Variants in SOS1 observed in about 807,000 individuals in gnomAD.
SOS1 encodes SOS Ras/Rac guanine nucleotide exchange factor 1, also known as son of sevenless homolog 1.
In SOS1, 25 loss-of-function variants were observed where a neutral mutation model predicts 157.6. That is an observed-to-expected ratio of 0.16 (90% CI 0.12 to 0.22). SOS1 has a LOEUF of 0.22. SOS1 is among the 10% of genes least tolerant of loss of function. SOS1 has a pLI of 1.00. For missense variants in SOS1, 1,237 were observed against 1,599.1 expected, an observed-to-expected ratio of 0.77 and a Z score of 3.86; for synonymous variants, 528 against 534.0, an observed-to-expected ratio of 0.99 and a Z score of 0.16.
At chr2:39,019,977 A>G (rs1669746400) in intron 10 of SOS1, among the ~76,000 whole-genome samples, 2 of 151,642 alleles carry the variant, frequency 1.3e-5, no homozygotes, top group African/African-American at 2.4e-5. Context: ...AGATCCTTTT[A>G]CTTAATTATT....
intron 1 of SOS1, among the ~76,000 whole-genome samples, chr2:39,118,690 T>A (rs1243604420): frequency 6.6e-6 from 1 of 152,220 alleles, no homozygotes; most frequent in East Asian, 1.9e-4. Context: ...AGGCCCTAAA[T>A]GACAAGACCT....
chr2:39,020,443 TAATAA>T (rs1010300100), intron 10 of SOS1, among the ~76,000 whole-genome samples: 2 of 151,740 alleles, frequency 1.3e-5, no homozygotes, highest in Admixed American at 6.6e-5. Flanking sequence ...CAATTCTATA[TAATAA>T]AATAAAAATG....
intron 17 of SOS1, among the ~76,000 whole-genome samples, chr2:38,999,062 A>G (rs1432035676): frequency 2.0e-5 from 3 of 152,240 alleles, no homozygotes; most frequent in East Asian, 3.8e-4. Context: ...GAGGTATTCC[A>G]AACTCTGTCT....
At position 39,023,162 on chromosome 2, in the gene SOS1, C is replaced by T. The variant is rs1212129369; in HGVS notation, c.1266G>A (p.Met422Ile). The change falls in exon 10 of 23, where the codon ATG (methionine) becomes ATA (isoleucine). Residue 422 changes from methionine (M) to isoleucine (I), a missense_variant. Met to Ile is a conservative substitution (Grantham distance 10). Around this residue, in one of 15 missense-constraint regions of SOS1, gnomAD observed 210 missense variants for 220.2 expected, o/e 0.95. Transcript: ENST00000402219. The part of the protein sequence containing the change: ...MKGKQLAIKK[M>I]NEIQKNIDGW... ...CATCAATATTCTTCTGAATCTCGTT[C>T]ATCTTCTTGATTGCTAGTTGTTTCC... is the stretch of plus-strand genomic sequence containing the variant. 3 of 1,613,068 alleles carry T rather than the reference C, an allele frequency of 1.9e-6. No individual in the cohort carries two copies. The highest frequency in any genetic ancestry group is 2.5e-6 in the Non-Finnish European group (3 of 1,179,464).
chr2:39,115,390 C>T (rs1158129524), intron 1 of SOS1, among the ~76,000 whole-genome samples: 4 of 133,964 alleles, frequency 3.0e-5, no homozygotes, highest in Non-Finnish European at 1.6e-5. Flanking sequence ...TCATTTGTAT[C>T]AAATTTGTTC....
chr2:39,076,977 A>G (rs537654757), intron 1 of SOS1, among the ~76,000 whole-genome samples: 51 of 152,354 alleles, frequency 3.3e-4, no homozygotes, highest in Non-Finnish European at 6.2e-4. Flanking sequence ...AACAGAAAAT[A>G]TAATTTTTTA....
chr2:39,122,468 A>T (rs866735724), upstream of SOS1, among the ~76,000 whole-genome samples: 266 of 133,940 alleles, frequency 2.0e-3, no homozygotes, highest in South Asian at 9.0e-3. Context: ...ACACACACAC[A>T]CACACATACA....
At chr2:39,069,711 C>T (rs2148145354) in intron 1 of SOS1, among the ~76,000 whole-genome samples, 1 of 152,178 alleles carries the variant, frequency 6.6e-6, no homozygotes, top group Non-Finnish European at 1.5e-5. Context: ...CCACACCCGG[C>T]CAATTTCTGT....
intron 1 of SOS1, among the ~76,000 whole-genome samples, chr2:39,112,301 T>A (rs1322436317): frequency 5.3e-5 from 8 of 152,126 alleles, no homozygotes; most frequent in African/African-American, 1.9e-4. Context: ...GAGTTTATGG[T>A]CTCCACATTC....
chr2:39,020,894 G>T (rs924160262), intron 10 of SOS1, among the ~76,000 whole-genome samples: 1 of 55,490 alleles, frequency 1.8e-5, no homozygotes, highest in African/African-American at 3.2e-5. Flanking sequence ...AGACAGAAAA[G>T]AAAAATATCA....
chr2:39,066,996 G>A (rs951931143), intron 2 of SOS1, among the ~76,000 whole-genome samples: 24 of 152,190 alleles, frequency 1.6e-4, no homozygotes, highest in African/African-American at 5.5e-4. Flanking sequence ...ATGCAATACA[G>A]GTTGATTATC....
At chr2:39,099,443 G>A (rs1672888386) in intron 1 of SOS1, among the ~76,000 whole-genome samples, 1 of 152,220 alleles carries the variant, frequency 6.6e-6, no homozygotes, top group Non-Finnish European at 1.5e-5. Flanking sequence ...GGGGCTGGAG[G>A]TTTGGAGGAT....
rs557751213 is a variant in SOS1, at chr2:39,072,117, T to C, written c.88-4364A>G. Among the ~76,000 whole-genome samples the C allele has an allele frequency of 1.7e-4, 26 of 152,332 alleles. 1 individual carries two copies. The East Asian group carries it at 4.6e-3, about 27-fold the overall frequency. On this transcript the variant is annotated intron_variant, in intron 1 of 22. Coordinates refer to ENST00000402219, the MANE Select transcript of SOS1 (RefSeq NM_005633.4). ...TGGATATACAGATATGAATCAAATA[T>C]AATCCCTGCTTGTATGGTCCTTATA... is the stretch of plus-strand genomic sequence containing the variant.
intron 1 of SOS1, among the ~76,000 whole-genome samples, chr2:39,071,319 T>C (rs1572870554): frequency 6.6e-6 from 1 of 152,212 alleles, no homozygotes; most frequent in African/African-American, 2.4e-5. Context: ...AGTACCCTAG[T>C]GTACGGAGTG....
intron 20 of SOS1, chr2:38,993,776 G>A: frequency 6.6e-6 from 1 of 152,110 alleles, no homozygotes. Flanking sequence ...ATAATGTCAT[G>A]CTGCCTCTAG....
intron 1 of SOS1, among the ~76,000 whole-genome samples, chr2:39,114,888 G>A (rs558628152): frequency 1.6e-4 from 24 of 152,124 alleles, no homozygotes; most frequent in Non-Finnish European, 5.9e-5. Context: ...GTGAGCCATC[G>A]CACACAGCCA....
chr2:39,031,080 C>T (rs925933024), intron 8 of SOS1, among the ~76,000 whole-genome samples: 15 of 152,030 alleles, frequency 9.9e-5, no homozygotes, highest in Non-Finnish European at 1.6e-4. Flanking sequence ...ATTTCAGATT[C>T]CTCACCTCCA....
chr2:39,088,686 T>C (rs1672470052), intron 1 of SOS1, among the ~76,000 whole-genome samples: 1 of 152,228 alleles, frequency 6.6e-6, no homozygotes, highest in Non-Finnish European at 1.5e-5. Flanking sequence ...TAGTATTCTA[T>C]TACATGCATG....
At chr2:38,987,331 C>T in intron 22 of SOS1, 142 bp downstream of exon 22, 1 of 667,238 alleles carries the variant, frequency 1.5e-6, no homozygotes, top group South Asian at 1.6e-5. Flanking sequence ...CATGCTAAAT[C>T]TATATGTAAT....
Sources: allele counts gnomAD v4.1 joint callset (sites outside exome capture counted in the v4.1 genomes callset), GRCh38; gene constraint gnomAD v4.1.1; regional missense constraint gnomAD v4.1.1; transcripts MANE v1.5; gene names NCBI Gene and HGNC (gene_info 2026-07-23, HGNC 2026-07-21).